Variants in MARCHF1 observed in about 807,000 individuals in gnomAD.
MARCHF1 encodes the protein membrane associated ring-CH-type finger 1, also known as E3 ubiquitin-protein ligase MARCHF1.
Under a neutral mutation model 54.2 loss-of-function variants are expected in MARCHF1, and 40 were observed. The observed-to-expected ratio is 0.74, with a 90% CI of 0.57 to 0.96. MARCHF1 has a LOEUF of 0.96. MARCHF1 is among the 40% of genes least tolerant of loss of function. The pLI, the probability that MARCHF1 is intolerant of heterozygous loss-of-function variation, is 0.00. For missense variants in MARCHF1, 586 were observed against 656.5 expected, an observed-to-expected ratio of 0.89 and a Z score of 1.17; for synonymous variants, 236 against 236.3, an observed-to-expected ratio of 1.00 and a Z score of 0.01.
At chr4:163,601,739 T>C (rs1456302960) in intron 7 of MARCHF1, among the ~76,000 whole-genome samples, 1 of 152,096 alleles carries the variant, frequency 6.6e-6, no homozygotes, top group Non-Finnish European at 1.5e-5. Context: ...TGGTTGATAT[T>C]CAAATCTACT....
At chr4:163,923,940 T>C (rs1288408748) in intron 3 of MARCHF1, among the ~76,000 whole-genome samples, 2 of 152,020 alleles carry the variant, frequency 1.3e-5, no homozygotes, top group Admixed American at 1.3e-4. Context: ...TATAATCATA[T>C]TGCTTATGGT....
intron 3 of MARCHF1, among the ~76,000 whole-genome samples, chr4:163,924,744 GAT>G (rs1256662926): frequency 1.3e-5 from 2 of 151,926 alleles, no homozygotes; most frequent in Admixed American, 6.6e-5. Flanking sequence ...ACCAAAGCTG[GAT>G]ATTGAGCCTA....
At chr4:164,198,023 A>T (rs1440129303) in intron 1 of MARCHF1, among the ~76,000 whole-genome samples, 1 of 152,216 alleles carries the variant, frequency 6.6e-6, no homozygotes, top group Non-Finnish European at 1.5e-5. Context: ...ACTGTGAATC[A>T]GCCTTCACAA....
intron 3 of MARCHF1, among the ~76,000 whole-genome samples, chr4:163,875,715 A>C (rs1197986732): frequency 6.6e-6 from 1 of 152,198 alleles, no homozygotes; most frequent in Admixed American, 6.5e-5. Flanking sequence ...TGAACTGCCT[A>C]ATTCGTATTT....
At chr4:164,059,257 G>T (rs924133061) in intron 2 of MARCHF1, among the ~76,000 whole-genome samples, 1 of 152,140 alleles carries the variant, frequency 6.6e-6, no homozygotes, top group Admixed American at 6.6e-5. Flanking sequence ...TTCTCATAAA[G>T]TGACTTGATA....
At chr4:163,569,586 CTCT>C (rs33980567) in intron 8 of MARCHF1, among the ~76,000 whole-genome samples, 136,288 of 151,906 alleles carry the variant, frequency 0.9, 61,137 homozygotes, top group Middle Eastern at 0.95. Flanking sequence ...GGGGTACATA[CTCT>C]TATTATCCCC....
At chr4:164,144,907 A>G (rs1387412428) in intron 1 of MARCHF1, among the ~76,000 whole-genome samples, 3 of 128,564 alleles carry the variant, frequency 2.3e-5, no homozygotes, top group Non-Finnish European at 4.7e-5. Context: ...AGGATCAACA[A>G]AATTGATAGA....
chr4:164,024,000 A>C lies in MARCHF1; in HGVS notation c.-247-35291T>G, dbSNP rs191786557. ...TGAGGAAAGAATCTCATAGCTTAAA[A>C]ATCACTTCTTTAAATAAAGTCAGAA... On this transcript the variant is annotated intron_variant, in intron 2 of 9. Transcript: ENST00000514618. Among the ~76,000 whole-genome samples the C allele has an allele frequency of 4.6e-3, 702 of 152,320 alleles. 5 individuals carry two copies. Among genetic ancestry groups the C allele is most frequent in the African/African-American group, 0.016 (667 of 41,580 alleles).
intron 7 of MARCHF1, among the ~76,000 whole-genome samples, chr4:163,603,119 T>G (rs1741025741): frequency 6.6e-6 from 1 of 151,974 alleles, no homozygotes; most frequent in Admixed American, 6.6e-5. Context: ...AAACTCAGGC[T>G]TCCCAATGAC....
At chr4:164,265,388 T>C (rs1733584075) in intron 1 of MARCHF1, among the ~76,000 whole-genome samples, 1 of 152,034 alleles carries the variant, frequency 6.6e-6, no homozygotes, top group African/African-American at 2.4e-5. Flanking sequence ...TTTAGATTCT[T>C]TGTTTAAGAA....
chr4:164,367,985 A>G (rs1262507404), intron 1 of MARCHF1, among the ~76,000 whole-genome samples: 1 of 151,782 alleles, frequency 6.6e-6, no homozygotes, highest in East Asian at 1.9e-4. Flanking sequence ...CACCCCTTGA[A>G]GTACACATCA....
At chr4:163,881,144 C>G (rs1750405935) in intron 3 of MARCHF1, among the ~76,000 whole-genome samples, 1 of 152,180 alleles carries the variant, frequency 6.6e-6, no homozygotes, top group Non-Finnish European at 1.5e-5. Context: ...CATTTAAACA[C>G]AGAATTCAAT....
chr4:163,727,859 T>C (rs186580853), intron 4 of MARCHF1, among the ~76,000 whole-genome samples: 1 of 151,836 alleles, frequency 6.6e-6, no homozygotes, highest in Admixed American at 6.6e-5. Context: ...TTTATTTTTT[T>C]AATTTTATAT....
intron 1 of MARCHF1, among the ~76,000 whole-genome samples, chr4:164,241,693 T>A (rs1579651305): frequency 6.6e-6 from 1 of 152,200 alleles, no homozygotes; most frequent in East Asian, 1.9e-4. Context: ...GACGGGTGAT[T>A]TCTGCATTTC....
intron 1 of MARCHF1, among the ~76,000 whole-genome samples, chr4:164,172,911 G>A (rs1390307158): frequency 6.7e-6 from 1 of 148,870 alleles, no homozygotes; most frequent in Non-Finnish European, 1.5e-5. Flanking sequence ...AACCCGCAAG[G>A]CGGAGCTTGC....
chr4:164,119,781 C>T (rs912926385), intron 1 of MARCHF1, among the ~76,000 whole-genome samples: 1 of 151,652 alleles, frequency 6.6e-6, no homozygotes, highest in South Asian at 2.1e-4. Flanking sequence ...ATACAATTTA[C>T]AAAAGTTGTC....
intron 1 of MARCHF1, among the ~76,000 whole-genome samples, chr4:164,335,183 T>G (rs1347003608): frequency 6.6e-6 from 1 of 152,198 alleles, no homozygotes; most frequent in African/African-American, 2.4e-5. Context: ...TGACTTCAAT[T>G]TTGAAAGTTT....
intron 1 of MARCHF1, among the ~76,000 whole-genome samples, chr4:164,283,968 A>G (rs1230440064): frequency 6.6e-6 from 1 of 150,972 alleles, no homozygotes; most frequent in African/African-American, 2.4e-5. Context: ...GTCAAATGGT[A>G]CTTGTGGTTA....
intron 5 of MARCHF1, among the ~76,000 whole-genome samples, chr4:163,624,760 C>G (rs1490887099): frequency 6.6e-6 from 1 of 152,228 alleles, no homozygotes; most frequent in African/African-American, 2.4e-5. Context: ...ACCTCAGTCT[C>G]ACTGCAAACA....
Sources: allele counts gnomAD v4.1 joint callset (sites outside exome capture counted in the v4.1 genomes callset), GRCh38; gene constraint gnomAD v4.1.1; transcripts MANE v1.5; gene names NCBI Gene and HGNC (gene_info 2026-07-23, HGNC 2026-07-21).